Variants in DCDC1 observed in about 807,000 individuals in gnomAD.
DCDC1 encodes the protein doublecortin domain containing 1, also known as doublecortin domain-containing protein 1.
In DCDC1, 200 loss-of-function variants were observed where a neutral mutation model predicts 178.3. That is an observed-to-expected ratio of 1.12 (90% CI 1.00 to 1.26). The LOEUF (loss-of-function observed/expected upper bound fraction) is 1.26. Among genes scored for constraint, DCDC1 ranks in the 50% most tolerant of loss-of-function variants. The pLI is 0.00. For synonymous variants in DCDC1, 690 were observed against 604.8 expected, an observed-to-expected ratio of 1.14 and a Z score of -2.07; for missense variants, 1,983 against 1,749.2, an observed-to-expected ratio of 1.13 and a Z score of -2.38.
At position 31,190,946 on chromosome 11, in the gene DCDC1, A is replaced by T. The variant is rs569797834; in HGVS notation, c.1221+50504T>A. Among the ~76,000 whole-genome samples, 4 of 152,214 alleles carry T rather than the reference A, an allele frequency of 2.6e-5. No homozygotes were observed. In the South Asian group the frequency reaches 8.3e-4, roughly 32 times the overall value. On this transcript the variant is annotated intron_variant, in intron 9 of 38. Transcript: ENST00000684477. ...CGTATTCATGGGGATTAGTTCCAGG[A>T]CCTGGATACCAAAATCTAAGGATTC... is the stretch of plus-strand genomic sequence containing the variant.
intron 6 of DCDC1, among the ~76,000 whole-genome samples, chr11:31,300,333 A>G (rs1303835822): frequency 6.6e-6 from 1 of 152,198 alleles, no homozygotes; most frequent in East Asian, 1.9e-4. Flanking sequence ...GAAAGGTAAA[A>G]GTGGACACAA....
At chr11:30,940,196 G>A (rs163857) in intron 21 of DCDC1, among the ~76,000 whole-genome samples, 3,346 of 152,020 alleles carry the variant, frequency 0.022, 131 homozygotes, top group African/African-American at 0.077. Flanking sequence ...TTCCAGTCTC[G>A]AAACTTGAGA....
chr11:31,119,948 G>A (rs1241165202), intron 11 of DCDC1, among the ~76,000 whole-genome samples: 1 of 152,132 alleles, frequency 6.6e-6, no homozygotes, highest in Non-Finnish European at 1.5e-5. Context: ...GAAAATAATC[G>A]TGGCCTTGGG....
chr11:31,230,293 G>T (rs1180264298), intron 9 of DCDC1, among the ~76,000 whole-genome samples: 1 of 151,074 alleles, frequency 6.6e-6, no homozygotes, highest in Non-Finnish European at 1.5e-5. Flanking sequence ...TGGGTAAATG[G>T]GTGAATGTAA....
chr11:31,066,833 A>G (rs1956279128), intron 18 of DCDC1, among the ~76,000 whole-genome samples: 1 of 152,204 alleles, frequency 6.6e-6, no homozygotes, highest in South Asian at 2.1e-4. Context: ...GTGCACCACC[A>G]AAAGTGAGCC....
At chr11:31,133,731 T>A (rs780967399) in intron 10 of DCDC1, among the ~76,000 whole-genome samples, 3 of 152,040 alleles carry the variant, frequency 2.0e-5, no homozygotes, top group Non-Finnish European at 4.4e-5. Flanking sequence ...TGACCCAGAG[T>A]CTCACTCTGT....
At chr11:31,284,700 A>G (rs796683948) in intron 7 of DCDC1, among the ~76,000 whole-genome samples, 26 of 151,532 alleles carry the variant, frequency 1.7e-4, no homozygotes, top group African/African-American at 6.3e-4. Flanking sequence ...GTGCAGTGGC[A>G]CGATCTTGGC....
Position 31,299,670 on chromosome 11 carries a change from T to C in DCDC1, c.754+5945A>G, listed in dbSNP as rs184591079. 7.9e-5 allele frequency among the ~76,000 whole-genome samples: 12 copies of C among 152,272 alleles called. No individual in the cohort carries two copies. In the East Asian group the frequency reaches 2.3e-3, roughly 29 times the overall value. ...CAGACCTAGCAAATACCTTTGTTAGTAAAGTCAGATACGTGTGACAACTTG... is the reference window on the plus strand; with the variant it reads ...CAGACCTAGCAAATACCTTTGTTAGCAAAGTCAGATACGTGTGACAACTTG... On this transcript the variant is annotated intron_variant, in intron 6 of 38. Transcript: ENST00000684477.
At chr11:31,364,739 C>A (rs970232109) in intron 1 of DCDC1, among the ~76,000 whole-genome samples, 4 of 151,704 alleles carry the variant, frequency 2.6e-5, no homozygotes, top group African/African-American at 4.8e-5. Context: ...GTTAAGACAA[C>A]CAACAAAGGG....
chr11:30,947,250 G>C (rs952786242), intron 21 of DCDC1, among the ~76,000 whole-genome samples: 4 of 152,106 alleles, frequency 2.6e-5, no homozygotes, highest in African/African-American at 4.8e-5. Flanking sequence ...GTCAAAATAA[G>C]GTCTTGTGTG....
At chr11:30,909,207 T>C in intron 28 of DCDC1, 91 bp from the exon 29 acceptor site, 2 of 1,092,886 alleles carry the variant, frequency 1.8e-6, no homozygotes, top group Non-Finnish European at 2.5e-6. Context: ...AAAGTGCAGA[T>C]AATTACTCAT....
chr11:31,151,413 TAGG>T (rs1366425178), intron 9 of DCDC1, among the ~76,000 whole-genome samples: 2 of 152,214 alleles, frequency 1.3e-5, no homozygotes, highest in African/African-American at 2.4e-5. Context: ...GCCTTTAATC[TAGG>T]AGAATTCATT....
chr11:30,976,119 C>T (rs546718508), intron 20 of DCDC1, among the ~76,000 whole-genome samples: 3 of 152,038 alleles, frequency 2.0e-5, no homozygotes, highest in Non-Finnish European at 4.4e-5. Flanking sequence ...AAAAGACACC[C>T]TATTCAATAA....
At chr11:30,882,274 G>A (rs1166570867) in intron 36 of DCDC1, 1 of 152,170 alleles carries the variant, frequency 6.6e-6, no homozygotes, top group Non-Finnish European at 1.5e-5. Context: ...AGAGTGATGG[G>A]GCGATGCAGT....
In DCDC1 at chr11:30,922,611, T is replaced by TC. The variant is rs1411297912; in HGVS notation, c.3024dup (p.Ile1009AspfsTer4). On this transcript the variant is annotated frameshift_variant, in exon 24 of 39. Coordinates refer to ENST00000684477, the MANE Select transcript of DCDC1 (RefSeq NM_001387274.1). LOFTEE classifies it high-confidence loss of function. ...TGAGCAATGGACAGGTCAGGATTGA[T>TC]CCAGAGTTCTCCACATGAAACATAC... 1.3e-6 allele frequency: 2 copies of TC among 1,564,660 alleles called. No individual in the cohort carries two copies. The highest frequency in any genetic ancestry group is 1.7e-6 in the Non-Finnish European group (2 of 1,162,008).
At chr11:31,309,630 C>T (rs1948652692) in intron 3 of DCDC1, among the ~76,000 whole-genome samples, 1 of 152,118 alleles carries the variant, frequency 6.6e-6, no homozygotes, top group Admixed American at 6.5e-5. Context: ...AGCAGATTCC[C>T]ATATTTTTTT....
chr11:31,217,507 A>C (rs1973737627), intron 9 of DCDC1, among the ~76,000 whole-genome samples: 1 of 152,194 alleles, frequency 6.6e-6, no homozygotes, highest in Admixed American at 6.6e-5. Context: ...TCCATCTATA[A>C]GTTAGACATA....
chr11:30,941,940 A>G (rs1380111843), intron 21 of DCDC1, among the ~76,000 whole-genome samples: 1 of 152,198 alleles, frequency 6.6e-6, no homozygotes, highest in Non-Finnish European at 1.5e-5. Context: ...TTTTACTAGA[A>G]TATCTTGCTT....
At chr11:31,060,754 A>G (rs1955865077) in intron 20 of DCDC1, among the ~76,000 whole-genome samples, 1 of 152,146 alleles carries the variant, frequency 6.6e-6, no homozygotes, top group Non-Finnish European at 1.5e-5. Context: ...AAAACTTTCA[A>G]TAATTTGTTA....
Sources: allele counts gnomAD v4.1 joint callset (sites outside exome capture counted in the v4.1 genomes callset), GRCh38; gene constraint gnomAD v4.1.1; transcripts MANE v1.5; gene names NCBI Gene and HGNC (gene_info 2026-07-23, HGNC 2026-07-21).